DNAAF11: variants seen among roughly 807,000 people sequenced by gnomAD.
DNAAF11 encodes dynein axonemal assembly factor 11, also known as leucine rich repeat containing 6.
In DNAAF11, 45 loss-of-function variants were observed where a neutral mutation model predicts 60.8. The observed-to-expected ratio is 0.74, with a 90% confidence interval of 0.58 to 0.95. The LOEUF (loss-of-function observed/expected upper bound fraction) is 0.95, where lower values mean the gene tolerates loss of function less well. Among genes scored for constraint, DNAAF11 ranks in the 40% least tolerant of loss-of-function variants. The pLI is 0.00. For missense variants in DNAAF11, 546 were observed against 546.2 expected (o/e 1.00, Z 0.00); for synonymous variants, 191 against 183.5 (o/e 1.04, Z -0.33).
At chr8:132,702,879 C>G in the DNAAF11 span, among the ~76,000 whole-genome samples, 1 of 152,104 alleles carries the variant, frequency 6.6e-6, no homozygotes, top group African/African-American at 2.4e-5. Context: ...AAGGACACAG[C>G]AAGAGAGGAA....
At chr8:132,610,483 A>T (rs1408154346) in intron 9 of DNAAF11, among the ~76,000 whole-genome samples, 1 of 152,244 alleles carries the variant, frequency 6.6e-6, no homozygotes, top group Non-Finnish European at 1.5e-5. Context: ...AAACAGTGAC[A>T]TGCTCGTGGG....
intron 7 of DNAAF11, among the ~76,000 whole-genome samples, chr8:132,616,593 C>T (rs547796194): frequency 7.6e-4 from 116 of 152,224 alleles, no homozygotes; most frequent in Non-Finnish European, 1.5e-3. Context: ...ATGGAGAACA[C>T]AGGGACACAA....
chr8:132,650,670 T>C (rs972709950), intron 3 of DNAAF11, among the ~76,000 whole-genome samples: 4 of 152,238 alleles, frequency 2.6e-5, no homozygotes, highest in African/African-American at 9.6e-5. Context: ...TATGTTTATT[T>C]TACATTGGCA....
At chr8:132,595,604 G>A (rs372064413) in intron 10 of DNAAF11, among the ~76,000 whole-genome samples, 7 of 151,896 alleles carry the variant, frequency 4.6e-5, no homozygotes, top group African/African-American at 9.7e-5. Flanking sequence ...TAACAACCAC[G>A]TTGAAATAAT....
intron 4 of DNAAF11, among the ~76,000 whole-genome samples, chr8:132,634,103 A>G (rs1427912829): frequency 2.6e-5 from 4 of 152,230 alleles, no homozygotes; most frequent in Non-Finnish European, 5.9e-5. Context: ...TATTAGAATC[A>G]GCTGAATTAT....
chr8:132,615,127 G>A (rs756172763), intron 7 of DNAAF11, 30 bp from the exon 8 acceptor site: 1 of 1,419,158 alleles, frequency 7.0e-7, no homozygotes, highest in Non-Finnish European at 9.9e-7. Flanking sequence ...TGGGAAAAAA[G>A]AGATGTCTTT....
chr8:132,588,378 T>C (rs891426614), intron 10 of DNAAF11, among the ~76,000 whole-genome samples: 8 of 152,206 alleles, frequency 5.3e-5, no homozygotes, highest in African/African-American at 1.9e-4. Context: ...AAAATCACAA[T>C]AAATTTATCT....
chr8:132,674,184 G>GAGA (rs1825527666), intron 1 of DNAAF11, among the ~76,000 whole-genome samples: 1 of 146,650 alleles, frequency 6.8e-6, no homozygotes, highest in African/African-American at 2.6e-5. Context: ...GGAGGAGAAG[G>GAGA]AGGAGGAGGA....
chr8:132,607,504 G>A (rs1818246865), intron 10 of DNAAF11, among the ~76,000 whole-genome samples: 1 of 152,092 alleles, frequency 6.6e-6, no homozygotes, highest in Non-Finnish European at 1.5e-5. Context: ...ACATGACAGG[G>A]AAAAGACAAA....
Position 132,625,396 on chromosome 8 carries a change from T to C in DNAAF11, c.712A>G (p.Lys238Glu), listed in dbSNP as rs765152292. 24 of 1,613,578 alleles carry C rather than the reference T, an allele frequency of 1.5e-5. No homozygotes were observed. The Admixed American group carries it at 3.0e-4, about 20-fold the overall frequency. ...TCATCTTCACTGTTGTCTAATTTCT[T>C]TGTGTTGTGTTCCTCTGTGTCTGGT... is the stretch of plus-strand genomic sequence containing the variant. ...QAPDTEEHNT[K>E]KLDNSEDDLE... The change falls in exon 6 of 12, where the codon AAG becomes GAG. Residue 238 changes from lysine (K) to glutamate (E), a missense_variant. Lys to Glu is a moderately conservative substitution (Grantham distance 56, BLOSUM62 1). Transcript: ENST00000620350.
intron 11 of DNAAF11, among the ~76,000 whole-genome samples, chr8:132,579,248 C>T (rs1471150067): frequency 1.3e-5 from 2 of 152,176 alleles, no homozygotes; most frequent in South Asian, 2.1e-4. Context: ...GTTCCCTGTG[C>T]ACTGGTTACC....
At chr8:132,630,186 A>C (rs2130414314) in intron 5 of DNAAF11, among the ~76,000 whole-genome samples, 1 of 152,348 alleles carries the variant, frequency 6.6e-6, no homozygotes, top group East Asian at 1.9e-4. Context: ...AAAATAGCCA[A>C]GATAACTTTG....
chr8:132,627,428 T>C (rs1244075402), intron 5 of DNAAF11, among the ~76,000 whole-genome samples: 2 of 152,142 alleles, frequency 1.3e-5, no homozygotes, highest in Non-Finnish European at 2.9e-5. Flanking sequence ...TCAAAAAAAC[T>C]TTCTCTTCAA....
At chr8:132,580,153 A>G (rs1815178300) in intron 11 of DNAAF11, among the ~76,000 whole-genome samples, 1 of 152,218 alleles carries the variant, frequency 6.6e-6, no homozygotes, top group Admixed American at 6.5e-5. Context: ...CTATGTTTAA[A>G]TAACATGTCT....
intron 2 of DNAAF11, among the ~76,000 whole-genome samples, chr8:132,658,559 G>A (rs1330534407): frequency 2.6e-5 from 4 of 152,134 alleles, no homozygotes; most frequent in Non-Finnish European, 5.9e-5. Flanking sequence ...CTGACCTCGT[G>A]ATCCAGCCGC....
At chr8:132,644,277 A>G (rs1822144182) in intron 3 of DNAAF11, among the ~76,000 whole-genome samples, 1 of 152,214 alleles carries the variant, frequency 6.6e-6, no homozygotes, top group Admixed American at 6.5e-5. Context: ...AAATCTGCTC[A>G]GAACAGTTAT....
intron 5 of DNAAF11, among the ~76,000 whole-genome samples, chr8:132,626,620 T>C (rs2130353169): frequency 6.6e-6 from 1 of 152,332 alleles, no homozygotes; most frequent in East Asian, 1.9e-4. Context: ...TAAACCACGA[T>C]GCTACTTTCA....
the DNAAF11 span, among the ~76,000 whole-genome samples, chr8:132,701,551 A>G: frequency 1.3e-5 from 2 of 152,212 alleles, no homozygotes; most frequent in Non-Finnish European, 2.9e-5. Flanking sequence ...CCTGAGCTGC[A>G]TGGACCCCAG....
the DNAAF11 span, among the ~76,000 whole-genome samples, chr8:132,698,990 G>T: frequency 6.8e-6 from 1 of 146,128 alleles, no homozygotes; most frequent in Non-Finnish European, 1.5e-5. Flanking sequence ...TTAGCCGGGC[G>T]CCATGGCAGA....
Sources: allele counts gnomAD v4.1 joint callset (sites outside exome capture counted in the v4.1 genomes callset), GRCh38; gene constraint gnomAD v4.1.1; transcripts MANE v1.5; gene names NCBI Gene and HGNC (gene_info 2026-07-23, HGNC 2026-07-21).